Variants in CRISPLD2 observed in about 807,000 individuals in gnomAD.
CRISPLD2 encodes the protein cysteine rich secretory protein LCCL domain containing 2, also known as cysteine-rich secretory protein LCCL domain-containing 2.
Under a neutral mutation model 71.1 loss-of-function variants are expected in CRISPLD2, and 47 were observed. The observed-to-expected ratio is 0.66, with a 90% CI of 0.52 to 0.84. The LOEUF (loss-of-function observed/expected upper bound fraction) is 0.84. CRISPLD2 is among the 40% of genes least tolerant of loss of function. The pLI, the probability that CRISPLD2 is intolerant of heterozygous loss-of-function variation, is 0.00. For synonymous variants in CRISPLD2, 317 were observed against 250.1 expected (o/e 1.27, Z -2.52); for missense variants, 830 against 651.1 (o/e 1.27, Z -2.99).
chr16:84,901,472 T>C (rs1007288944), intron 14 of CRISPLD2, among the ~76,000 whole-genome samples: 2 of 148,596 alleles, frequency 1.3e-5, no homozygotes, highest in African/African-American at 4.9e-5. Flanking sequence ...GCTGCACTTT[T>C]TTTTTTTTTT....
chr16:84,860,705 C>T (rs911624086), intron 6 of CRISPLD2, among the ~76,000 whole-genome samples: 2 of 152,170 alleles, frequency 1.3e-5, no homozygotes. Flanking sequence ...CAGCAGGGTC[C>T]TCCCACACTT....
intron 2 of CRISPLD2, chr16:84,839,843 G>A (rs1051087747): frequency 2.6e-5 from 4 of 152,154 alleles, no homozygotes; most frequent in Non-Finnish European, 5.9e-5. Flanking sequence ...ATCCAAGTTA[G>A]CCGGGCATGG....
intron 6 of CRISPLD2, among the ~76,000 whole-genome samples, chr16:84,858,762 A>G (rs113078649): frequency 3.3e-5 from 5 of 152,218 alleles, no homozygotes; most frequent in Admixed American, 6.5e-5. Context: ...GCTGAAGGCA[A>G]ATTACTTCTG....
intron 4 of CRISPLD2, 24 bp downstream of exon 4, chr16:84,849,541 C>T: frequency 6.2e-7 from 1 of 1,609,576 alleles, no homozygotes; most frequent in Non-Finnish European, 8.5e-7. Flanking sequence ...TTGCCACGAC[C>T]TCAGCCCTGC....
At chr16:84,885,812 CTTTTTTTTT>C (rs781115960) in intron 13 of CRISPLD2, among the ~76,000 whole-genome samples, 1 of 95,772 alleles carries the variant, frequency 1.0e-5, no homozygotes, top group Non-Finnish European at 2.1e-5. Context: ...TGGATCCCTT[CTTTTTTTTT>C]TTTTTTTTTT....
chr16:84,884,161 A>G lies in CRISPLD2; in HGVS notation c.1305+3577A>G, dbSNP rs145949215. On this transcript the variant is annotated intron_variant, in intron 13 of 14. Transcript: ENST00000262424. The stretch of plus-strand genomic sequence containing the variant: ...CACACAGCCCTTCTTTAATCTTCAC[A>G]GTAACCCTCTTCTTCCTCACTGTCA... Among the ~76,000 whole-genome samples, 520 of 152,258 alleles carry G rather than the reference A, an allele frequency of 3.4e-3. 4 individuals are homozygous for G. The highest frequency in any genetic ancestry group is 0.011 in the African/African-American group (465 of 41,566).
intron 1 of CRISPLD2, among the ~76,000 whole-genome samples, chr16:84,820,506 G>C (rs1323289996): frequency 6.6e-6 from 1 of 152,182 alleles, no homozygotes; most frequent in African/African-American, 2.4e-5. Flanking sequence ...CTGATGGCAT[G>C]GATATGGCAG....
chr16:84,828,310 T>G (rs1013488405), intron 1 of CRISPLD2: 5 of 152,208 alleles, frequency 3.3e-5, no homozygotes, highest in Non-Finnish European at 7.3e-5. Flanking sequence ...ATTCTGTCAC[T>G]GGGCCCTTTA....
intron 14 of CRISPLD2, among the ~76,000 whole-genome samples, chr16:84,892,774 G>A (rs930792203): frequency 6.6e-6 from 1 of 151,868 alleles, no homozygotes; most frequent in African/African-American, 2.4e-5. Context: ...TCAGGAGTTC[G>A]AGACCAGCCT....
chr16:84,897,311 G>T (rs892476883), intron 14 of CRISPLD2, among the ~76,000 whole-genome samples: 2 of 151,112 alleles, frequency 1.3e-5, no homozygotes, highest in Non-Finnish European at 3.0e-5. Flanking sequence ...AAAAAGCCGG[G>T]CATGGTGGCA....
At chr16:84,890,881 C>T (rs571181569) in intron 14 of CRISPLD2, among the ~76,000 whole-genome samples, 97 of 152,336 alleles carry the variant, frequency 6.4e-4, no homozygotes, top group African/African-American at 2.2e-3. Context: ...AGAAAGGGCA[C>T]TCAGCCTCCC....
intron 3 of CRISPLD2, chr16:84,846,162 C>T (rs932403373): frequency 8.5e-6 from 3 of 352,860 alleles, no homozygotes; most frequent in African/African-American, 6.4e-5. Context: ...TTCTTCCTTT[C>T]CTTCTTCCTT....
At chr16:84,850,277 G>A (rs1292250877) in intron 4 of CRISPLD2, among the ~76,000 whole-genome samples, 3 of 152,008 alleles carry the variant, frequency 2.0e-5, no homozygotes, top group African/African-American at 7.3e-5. Flanking sequence ...TTTTAGTAGA[G>A]ATGGGGTTTC....
At chr16:84,901,500 C>T (rs1286762210) in intron 14 of CRISPLD2, among the ~76,000 whole-genome samples, 1 of 144,392 alleles carries the variant, frequency 6.9e-6, no homozygotes, top group East Asian at 2.0e-4. Flanking sequence ...GACGCAGAGT[C>T]TCCCTGTGTC....
chr16:84,858,485 AT>A (rs969163163), intron 6 of CRISPLD2, among the ~76,000 whole-genome samples: 2 of 152,150 alleles, frequency 1.3e-5, no homozygotes, highest in Non-Finnish European at 2.9e-5. Flanking sequence ...ACCCCTGTAA[AT>A]TTTACCAAGG....
chr16:84,870,930 T>C (rs1238899037), intron 8 of CRISPLD2, among the ~76,000 whole-genome samples: 1 of 151,974 alleles, frequency 6.6e-6, no homozygotes, highest in African/African-American at 2.4e-5. Context: ...TGGTGGCATA[T>C]GCCTATAGTC....
At chr16:84,885,227 A>G (rs1252755460) in intron 13 of CRISPLD2, among the ~76,000 whole-genome samples, 1 of 151,986 alleles carries the variant, frequency 6.6e-6, no homozygotes, top group Admixed American at 6.6e-5. Flanking sequence ...CGGAAAGAAC[A>G]ATGAGCTTAA....
At chr16:84,844,217 G>A (rs897385593) in intron 2 of CRISPLD2, among the ~76,000 whole-genome samples, 9 of 152,234 alleles carry the variant, frequency 5.9e-5, no homozygotes, top group Non-Finnish European at 1.3e-4. Context: ...GTGTGTTCCT[G>A]GGGCCAGCCT....
chr16:84,826,943 C>G (rs1916366257), intron 1 of CRISPLD2, among the ~76,000 whole-genome samples: 1 of 152,204 alleles, frequency 6.6e-6, no homozygotes, highest in Non-Finnish European at 1.5e-5. Flanking sequence ...CCCTCTTAAT[C>G]CAGTCTTCAA....
Sources: allele counts gnomAD v4.1 joint callset (sites outside exome capture counted in the v4.1 genomes callset), GRCh38; gene constraint gnomAD v4.1.1; transcripts MANE v1.5; gene names NCBI Gene and HGNC (gene_info 2026-07-23, HGNC 2026-07-21).